CNTNAP2: variants seen among roughly 807,000 people sequenced by gnomAD.
The protein encoded by CNTNAP2 is contactin associated protein 2.
A neutral mutation model predicts 155.2 loss-of-function variants in CNTNAP2; 98 were observed. The ratio of observed to expected loss-of-function variants is 0.63; its 90% CI spans 0.54 to 0.75. CNTNAP2 has a LOEUF of 0.75. CNTNAP2 is among the 30% of genes least tolerant of loss of function. The pLI, the probability that CNTNAP2 is intolerant of heterozygous loss-of-function variation, is 0.00. For synonymous variants in CNTNAP2, 651 were observed against 631.2 expected, an observed-to-expected ratio of 1.03 and a Z score of -0.47; for missense variants, 1,727 against 1,688.1, an observed-to-expected ratio of 1.02 and a Z score of -0.40.
At chr7:148,410,460 G>C (rs543047370) in intron 23 of CNTNAP2, among the ~76,000 whole-genome samples, 1 of 151,338 alleles carries the variant, frequency 6.6e-6, no homozygotes, top group South Asian at 2.1e-4. Context: ...CCAGCTACTC[G>C]GGAGCCTGAG....
chr7:147,659,016 A>G (rs192092592), intron 13 of CNTNAP2, among the ~76,000 whole-genome samples: 1,675 of 152,296 alleles, frequency 0.011, 16 homozygotes, highest in Non-Finnish European at 0.018. Flanking sequence ...GATGTAAGAC[A>G]ACAGAGATGA....
intron 1 of CNTNAP2, among the ~76,000 whole-genome samples, chr7:146,742,375 G>A (rs75153882): frequency 0.028 from 4,224 of 152,118 alleles, 70 homozygotes; most frequent in African/African-American, 0.039. Context: ...CAGAACTCAC[G>A]GAAGAATAGG....
intron 4 of CNTNAP2, among the ~76,000 whole-genome samples, chr7:147,083,586 A>G (rs1800190571): frequency 6.9e-6 from 1 of 145,408 alleles, no homozygotes. Flanking sequence ...GTATATATAT[A>G]TACACACACA....
At chr7:147,909,474 G>A (rs1006019198) in intron 14 of CNTNAP2, among the ~76,000 whole-genome samples, 10 of 152,278 alleles carry the variant, frequency 6.6e-5, no homozygotes, top group African/African-American at 2.2e-4. Flanking sequence ...GTCTCACAAC[G>A]AAGCTGCAAT....
intron 11 of CNTNAP2, among the ~76,000 whole-genome samples, chr7:147,491,074 T>A (rs1798601487): frequency 6.6e-6 from 1 of 152,100 alleles, no homozygotes; most frequent in East Asian, 1.9e-4. Context: ...GAGATTTGGG[T>A]GGGGACACAG....
intron 10 of CNTNAP2, among the ~76,000 whole-genome samples, chr7:147,414,133 T>C (rs1348952990): frequency 6.6e-6 from 1 of 152,178 alleles, no homozygotes; most frequent in Non-Finnish European, 1.5e-5. Context: ...ACTGTGTCTA[T>C]GCATAGAAAG....
chr7:147,589,832 TAC>T (rs1399010055), intron 12 of CNTNAP2, among the ~76,000 whole-genome samples: 1 of 152,188 alleles, frequency 6.6e-6, no homozygotes, highest in Non-Finnish European at 1.5e-5. Flanking sequence ...TATAACACTA[TAC>T]AGTTATTCAG....
chr7:146,962,700 G>A (rs958520050), intron 3 of CNTNAP2, among the ~76,000 whole-genome samples: 2 of 152,036 alleles, frequency 1.3e-5, no homozygotes, highest in Non-Finnish European at 1.5e-5. Context: ...ACAGGCAGGC[G>A]CCACCACATC....
intron 8 of CNTNAP2, among the ~76,000 whole-genome samples, chr7:147,138,968 G>T (rs1283317758): frequency 6.6e-6 from 1 of 151,064 alleles, no homozygotes; most frequent in African/African-American, 2.4e-5. Flanking sequence ...CAAATAAATC[G>T]AAGAGAAAAA....
chr7:146,652,144 T>C (rs1799925128), intron 1 of CNTNAP2, among the ~76,000 whole-genome samples: 1 of 152,162 alleles, frequency 6.6e-6, no homozygotes, highest in African/African-American at 2.4e-5. Context: ...AATTCAGTTA[T>C]TAAAAAATTA....
At position 147,108,133 on chromosome 7, in the gene CNTNAP2, T is replaced by C; in HGVS notation, c.551-14T>C. The C allele has an allele frequency of 2.5e-6, 4 of 1,581,772 alleles. No homozygotes were observed. Among genetic ancestry groups the C allele is most frequent in the Non-Finnish European group, 3.4e-6 (4 of 1,166,818 alleles). On this transcript the variant is annotated splice_polypyrimidine_tract_variant and intron_variant, in intron 4 of 23. Coordinates refer to ENST00000361727, the MANE Select transcript of CNTNAP2 (RefSeq NM_014141.6). ...CATGGCTGAACTAATATGTTATTTT[T>C]TTTTTTGTTTTAGGGGCTGATGTTA... is the stretch of plus-strand genomic sequence containing the variant.
intron 21 of CNTNAP2, among the ~76,000 whole-genome samples, chr7:148,284,244 C>T (rs1024581454): frequency 1.3e-5 from 2 of 151,660 alleles, no homozygotes; most frequent in Middle Eastern, 3.4e-3. Context: ...GGGAGGGACC[C>T]GATGGGAGAT....
At chr7:146,334,923 A>G (rs557071026) in intron 1 of CNTNAP2, among the ~76,000 whole-genome samples, 1 of 152,126 alleles carries the variant, frequency 6.6e-6, no homozygotes, top group Non-Finnish European at 1.5e-5. Context: ...TGCAGGCAAA[A>G]TGTTATACAG....
chr7:147,792,528 C>A (rs775322215), intron 13 of CNTNAP2, among the ~76,000 whole-genome samples: 7 of 151,524 alleles, frequency 4.6e-5, no homozygotes, highest in Admixed American at 2.6e-4. Flanking sequence ...ATATATATAT[C>A]TTAGTACTTC....
chr7:147,195,837 G>A (rs1802787930), intron 8 of CNTNAP2, among the ~76,000 whole-genome samples: 1 of 151,848 alleles, frequency 6.6e-6, no homozygotes, highest in South Asian at 2.1e-4. Context: ...GTTTTAAGAG[G>A]AGCCAGCTAT....
At chr7:148,276,773 T>C (rs1796877370) in intron 21 of CNTNAP2, among the ~76,000 whole-genome samples, 1 of 152,202 alleles carries the variant, frequency 6.6e-6, no homozygotes, top group Admixed American at 6.5e-5. Flanking sequence ...ATCTGCAGAG[T>C]GCAAAATGCA....
At chr7:147,317,776 A>ATATGTG (rs1405297462) in intron 9 of CNTNAP2, among the ~76,000 whole-genome samples, 4,947 of 134,192 alleles carry the variant, frequency 0.037, 110 homozygotes, top group South Asian at 0.055. Flanking sequence ...ATATATATAT[A>ATATGTG]TGTGTGTGTG....
intron 15 of CNTNAP2, among the ~76,000 whole-genome samples, chr7:148,024,179 A>AG (rs71188940): frequency 0.013 from 1,979 of 150,202 alleles, 34 homozygotes; most frequent in African/African-American, 0.045. Context: ...AAAAAAAAAA[A>AG]CTTTATAACA....
intron 13 of CNTNAP2, among the ~76,000 whole-genome samples, chr7:147,654,808 CTTTTTTT>C (rs1186575442): frequency 1.0e-5 from 1 of 97,310 alleles, no homozygotes; most frequent in East Asian, 2.8e-4. Flanking sequence ...AAATATATTT[CTTTTTTT>C]TTTTTTTTTT....
Sources: gnomAD v4.1 joint callset for allele counts (sites outside exome capture counted in the v4.1 genomes callset) on GRCh38, gnomAD v4.1.1 for gene constraint, MANE v1.5 for transcripts, NCBI Gene and HGNC (gene_info 2026-07-23, HGNC 2026-07-21) for gene names.